GPC6: variants seen among roughly 807,000 people sequenced by gnomAD.
GPC6 encodes the protein glypican 6.
Under a neutral mutation model 55.2 loss-of-function variants are expected in GPC6, and 14 were observed. The observed-to-expected ratio is 0.25, with a 90% CI of 0.17 to 0.40. The LOEUF is 0.40. Among genes scored for constraint, GPC6 ranks in the 10% least tolerant of loss-of-function variants. GPC6 has a pLI of 1.00. For missense variants in GPC6, 641 were observed against 708.5 expected (o/e 0.90, Z 1.08); for synonymous variants, 278 against 259.6 (o/e 1.07, Z -0.68).
intron 1 of GPC6, among the ~76,000 whole-genome samples, chr13:93,493,437 C>T (rs1210289748): frequency 2.0e-5 from 2 of 100,786 alleles, no homozygotes; most frequent in Admixed American, 1.0e-4. Flanking sequence ...GTCTTGCTAG[C>T]GGTCTATCAA....
chr13:93,452,988 C>T (rs1292578171), intron 1 of GPC6, among the ~76,000 whole-genome samples: 10 of 152,200 alleles, frequency 6.6e-5, no homozygotes, highest in African/African-American at 2.2e-4. Context: ...TATGAATTAG[C>T]TTTGTAAGCT....
At chr13:93,616,246 T>G (rs1172339105) in intron 2 of GPC6, among the ~76,000 whole-genome samples, 1 of 152,110 alleles carries the variant, frequency 6.6e-6, no homozygotes, top group Non-Finnish European at 1.5e-5. Flanking sequence ...TGAATTGTTA[T>G]GTAATTCAGA....
chr13:93,648,750 C>G (rs1260066537), intron 2 of GPC6, among the ~76,000 whole-genome samples: 3 of 152,166 alleles, frequency 2.0e-5, no homozygotes, highest in African/African-American at 7.2e-5. Context: ...GTAGCATACA[C>G]TGAGATAATA....
At position 94,407,737 on chromosome 13, in the gene GPC6, A is replaced by C. The variant is rs962461150; in HGVS notation, c.*4520A>C. Among the ~76,000 whole-genome samples, 6 of 152,198 alleles carry C rather than the reference A, an allele frequency of 3.9e-5. No homozygotes were observed. Among genetic ancestry groups the C allele is most frequent in the Non-Finnish European group, 1.5e-5 (1 of 68,018 alleles). On this transcript the variant is annotated 3_prime_UTR_variant, in exon 9 of 9. Transcript: ENST00000377047. Reference sequence around the variant, plus strand: ...AGAAAATAAGATCAAATGTGAAAAGACTAATAATTTCCCAATTTAGCCAAT... The same window carrying C: ...AGAAAATAAGATCAAATGTGAAAAGCCTAATAATTTCCCAATTTAGCCAAT...
At chr13:93,402,311 G>A (rs1015280153) in intron 1 of GPC6, among the ~76,000 whole-genome samples, 32 of 152,086 alleles carry the variant, frequency 2.1e-4, no homozygotes, top group African/African-American at 7.0e-4. Flanking sequence ...CTTCATAAGC[G>A]CTAGGGCAAT....
chr13:93,321,449 C>A (rs960659337), intron 1 of GPC6, among the ~76,000 whole-genome samples: 2 of 152,094 alleles, frequency 1.3e-5, no homozygotes, highest in Admixed American at 1.3e-4. Flanking sequence ...CTAATCTTAT[C>A]TCGTGCTGTA....
chr13:93,886,043 TA>T (rs1270717233), intron 3 of GPC6, among the ~76,000 whole-genome samples: 1 of 152,106 alleles, frequency 6.6e-6, no homozygotes, highest in Non-Finnish European at 1.5e-5. Flanking sequence ...ATTTGAATGT[TA>T]TTGAAATAGT....
intron 3 of GPC6, among the ~76,000 whole-genome samples, chr13:93,842,823 A>G (rs369171874): frequency 6.6e-6 from 1 of 152,080 alleles, no homozygotes; most frequent in Non-Finnish European, 1.5e-5. Flanking sequence ...AATTTTAAGT[A>G]TCTTCATATA....
chr13:94,270,366 A>G (rs919743135), intron 4 of GPC6, among the ~76,000 whole-genome samples: 10 of 152,244 alleles, frequency 6.6e-5, no homozygotes, highest in African/African-American at 2.4e-4. Flanking sequence ...CAGAGGTCAT[A>G]GTGCATTGCT....
intron 2 of GPC6, among the ~76,000 whole-genome samples, chr13:93,798,726 C>G (rs944634541): frequency 6.6e-6 from 1 of 151,926 alleles, no homozygotes; most frequent in Non-Finnish European, 1.5e-5. Context: ...CGAGATCAGC[C>G]TGGCTAACAT....
At chr13:94,082,805 C>A (rs756979126) in intron 4 of GPC6, among the ~76,000 whole-genome samples, 33 of 152,168 alleles carry the variant, frequency 2.2e-4, no homozygotes, top group Non-Finnish European at 4.1e-4. Context: ...AATCCTGCAA[C>A]GTTTCATCTG....
At chr13:93,489,985 C>G (rs1566383941) in intron 1 of GPC6, among the ~76,000 whole-genome samples, 2 of 151,032 alleles carry the variant, frequency 1.3e-5, no homozygotes, top group Non-Finnish European at 2.9e-5. Flanking sequence ...ATGGCCCTGG[C>G]CAGAACTTCC....
At chr13:93,942,838 A>G (rs1878804084) in intron 3 of GPC6, among the ~76,000 whole-genome samples, 1 of 152,204 alleles carries the variant, frequency 6.6e-6, no homozygotes, top group Admixed American at 6.5e-5. Context: ...TTAGCAGTAT[A>G]GTGATATAAA....
chr13:93,453,224 C>A (rs1357638808), intron 1 of GPC6, among the ~76,000 whole-genome samples: 1 of 152,204 alleles, frequency 6.6e-6, no homozygotes. Flanking sequence ...CTAAAATCTG[C>A]TTTCTCTAAT....
At chr13:94,112,387 A>G (rs1201405557) in intron 4 of GPC6, among the ~76,000 whole-genome samples, 1 of 152,190 alleles carries the variant, frequency 6.6e-6, no homozygotes, top group Non-Finnish European at 1.5e-5. Context: ...ATTTGTTGGC[A>G]GCCTCCGCTA....
intron 1 of GPC6, among the ~76,000 whole-genome samples, chr13:93,242,305 T>C (rs749820588): frequency 1.9e-4 from 29 of 152,100 alleles, no homozygotes; most frequent in Non-Finnish European, 3.5e-4. Context: ...ACTACAAGCC[T>C]GGCAAAAAAC....
At chr13:93,591,497 TG>T (rs920481189) in intron 2 of GPC6, among the ~76,000 whole-genome samples, 4 of 151,816 alleles carry the variant, frequency 2.6e-5, no homozygotes, top group African/African-American at 9.7e-5. Context: ...GAAATCATCT[TG>T]TTTCGTATCA....
At chr13:94,127,601 A>G (rs996842948) in intron 4 of GPC6, among the ~76,000 whole-genome samples, 1 of 152,140 alleles carries the variant, frequency 6.6e-6, no homozygotes, top group Non-Finnish European at 1.5e-5. Context: ...ACTACCTAAT[A>G]CAGTGGTAAA....
rs561016485 is a variant in GPC6, at chr13:94,338,312, C to A, written c.1152+32189C>A. On this transcript the variant is annotated intron_variant, in intron 6 of 8. Transcript: ENST00000377047. ...GTTTGGGGGAACCCACAAGCAGCAC[C>A]CAATGCAAATGGGGACAGAGAACCC... Among the ~76,000 whole-genome samples, 16 of 152,246 alleles carry A rather than the reference C, an allele frequency of 1.1e-4. No individual in the cohort carries two copies. In the South Asian group the frequency reaches 2.5e-3, roughly 24 times the overall value.
Sources: allele counts gnomAD v4.1 joint callset (sites outside exome capture counted in the v4.1 genomes callset), GRCh38; gene constraint gnomAD v4.1.1; transcripts MANE v1.5; gene names NCBI Gene and HGNC (gene_info 2026-07-23, HGNC 2026-07-21).